The following KSR2 variants were observed in gnomAD, a reference collection of about 807,000 sequenced individuals.
The protein encoded by KSR2 is kinase suppressor of ras 2.
A neutral mutation model predicts 107.8 loss-of-function variants in KSR2; 25 were observed. The ratio of observed to expected loss-of-function variants is 0.23; its 90% CI spans 0.17 to 0.32. The LOEUF (loss-of-function observed/expected upper bound fraction) is 0.32. KSR2 is among the 10% of genes least tolerant of loss of function. The probability of loss-of-function intolerance (pLI) is 1.00; values close to 1 mark genes in which losing one functional copy is unlikely to be tolerated. For synonymous variants in KSR2, 480 were observed against 507.0 expected (o/e 0.95, Z 0.71); for missense variants, 887 against 1,268.9 (o/e 0.70, Z 4.57).
chr12:117,690,728 C>T (rs1885777920), intron 4 of KSR2, among the ~76,000 whole-genome samples: 1 of 152,178 alleles, frequency 6.6e-6, no homozygotes, highest in African/African-American at 2.4e-5. Flanking sequence ...TAACTGCTGC[C>T]AGCACACAGG....
At chr12:117,673,629 G>A (rs765054565) in intron 4 of KSR2, among the ~76,000 whole-genome samples, 11 of 152,128 alleles carry the variant, frequency 7.2e-5, no homozygotes, top group Non-Finnish European at 1.5e-4. Flanking sequence ...AAGCCTTCAT[G>A]GACAAGATGT....
At chr12:117,612,931 C>T (rs947797266) in intron 5 of KSR2, among the ~76,000 whole-genome samples, 2 of 152,172 alleles carry the variant, frequency 1.3e-5, no homozygotes, top group Non-Finnish European at 2.9e-5. Flanking sequence ...AAAGATGTAC[C>T]TTGCTTCCCC....
Position 117,591,191 on chromosome 12 carries a change from C to G in KSR2, c.1172-8832G>C, listed in dbSNP as rs148187628. On this transcript the variant is annotated intron_variant, in intron 5 of 19. Transcript: ENST00000339824. ...AGAATAGTCCATGAGGGGGCAATGT[C>G]TCTACATGCAACTTCTGAAATCTGG... Among the ~76,000 whole-genome samples the G allele has an allele frequency of 1.7e-3, 264 of 152,302 alleles. 2 individuals carry two copies. Among genetic ancestry groups the G allele is most frequent in the African/African-American group, 6.0e-3 (249 of 41,560 alleles).
At chr12:117,559,940 C>T (rs1245191670) in intron 7 of KSR2, among the ~76,000 whole-genome samples, 1 of 152,136 alleles carries the variant, frequency 6.6e-6, no homozygotes, top group Non-Finnish European at 1.5e-5. Flanking sequence ...GGGTGGCCCT[C>T]AGGCTGCTTG....
intron 3 of KSR2, among the ~76,000 whole-genome samples, chr12:117,823,606 A>T (rs1891639744): frequency 6.6e-6 from 1 of 152,184 alleles, no homozygotes; most frequent in East Asian, 1.9e-4. Flanking sequence ...GCTAAGTTAA[A>T]GGTGCAGGTG....
At chr12:117,584,919 T>A (rs1471087912) in intron 5 of KSR2, among the ~76,000 whole-genome samples, 2 of 152,200 alleles carry the variant, frequency 1.3e-5, no homozygotes, top group Non-Finnish European at 2.9e-5. Context: ...CTGCAGATTC[T>A]CAATGAATAA....
intron 3 of KSR2, among the ~76,000 whole-genome samples, chr12:117,793,164 AC>A (rs1890337390): frequency 7.2e-6 from 1 of 139,512 alleles, no homozygotes; most frequent in Non-Finnish European, 1.5e-5. Context: ...ATGCACGCAC[AC>A]CAACATGTAC....
intron 5 of KSR2, among the ~76,000 whole-genome samples, chr12:117,643,705 A>C (rs1371655124): frequency 6.6e-6 from 1 of 152,106 alleles, no homozygotes. Flanking sequence ...TAATTCCATG[A>C]GTGCTTGTTA....
chr12:117,740,520 T>G (rs1240727363), intron 4 of KSR2, among the ~76,000 whole-genome samples: 1 of 118,578 alleles, frequency 8.4e-6, no homozygotes, highest in East Asian at 2.2e-4. Flanking sequence ...ATATAATATA[T>G]AGTACATATA....
intron 4 of KSR2, among the ~76,000 whole-genome samples, chr12:117,675,580 A>G (rs144813398): frequency 6.6e-6 from 1 of 152,318 alleles, no homozygotes; most frequent in Non-Finnish European, 1.5e-5. Flanking sequence ...CCCAGCTTTC[A>G]TCACAGAGAT....
At chr12:117,831,224 C>T (rs1236756911) in intron 3 of KSR2, among the ~76,000 whole-genome samples, 2 of 152,314 alleles carry the variant, frequency 1.3e-5, no homozygotes, top group African/African-American at 4.8e-5. Flanking sequence ...TATTTTTTAG[C>T]TCTTTCTTTT....
intron 1 of KSR2, among the ~76,000 whole-genome samples, chr12:117,894,891 T>G (rs1894462984): frequency 1.3e-5 from 2 of 151,730 alleles, no homozygotes; most frequent in African/African-American, 4.8e-5. Context: ...CCTCTTTTCT[T>G]CACAAATAAC....
At chr12:117,542,059 CT>C (rs1026153478) in intron 9 of KSR2, among the ~76,000 whole-genome samples, 1 of 151,796 alleles carries the variant, frequency 6.6e-6, no homozygotes, top group African/African-American at 2.4e-5. Context: ...CTTTAAAACA[CT>C]TTTTTTGGTA....
Position 117,813,059 on chromosome 12 carries a change from C to CA in KSR2, c.472+42368dup, listed in dbSNP as rs200445429. On this transcript the variant is annotated intron_variant, in intron 3 of 19. Transcript: ENST00000339824. The stretch of plus-strand genomic sequence containing the variant: ...AGACAACAGATTTTGACAAAGGTGT[C>CA]AAAAAAAAACTGGATAGCCACATGC... 1.3e-3 allele frequency among the ~76,000 whole-genome samples: 192 copies of CA among 149,904 alleles called. 1 individual carries two copies. The East Asian group carries it at 0.015, about 12-fold the overall frequency.
intron 5 of KSR2, among the ~76,000 whole-genome samples, chr12:117,649,962 G>T (rs1002345669): frequency 6.6e-6 from 1 of 152,166 alleles, no homozygotes; most frequent in South Asian, 2.1e-4. Context: ...CATTATTCAT[G>T]CTTGCTCTAG....
intron 3 of KSR2, among the ~76,000 whole-genome samples, chr12:117,795,651 C>T (rs1890596600): frequency 6.6e-6 from 1 of 152,166 alleles, no homozygotes; most frequent in Non-Finnish European, 1.5e-5. Flanking sequence ...TTTATTGAGA[C>T]AGGGTCTTGC....
intron 5 of KSR2, among the ~76,000 whole-genome samples, chr12:117,597,533 C>T (rs1460918494): frequency 6.6e-6 from 1 of 152,124 alleles, no homozygotes; most frequent in Non-Finnish European, 1.5e-5. Context: ...AGCGCTGCCT[C>T]TGGAAGATGG....
intron 5 of KSR2, among the ~76,000 whole-genome samples, chr12:117,583,033 T>C (rs1032277065): frequency 1.3e-5 from 2 of 152,244 alleles, no homozygotes; most frequent in South Asian, 2.1e-4. Flanking sequence ...AATTTCTGTA[T>C]ATTATAGATA....
In KSR2 at chr12:117,733,980, T is replaced by C. The variant is rs368105948; in HGVS notation, c.986+27031A>G. The stretch of plus-strand genomic sequence containing the variant: ...GAGTTCAACTAACTCAGGCTATTGA[T>C]GAATGTCAAGAGACTACACAGGTTG... On this transcript the variant is annotated intron_variant, in intron 4 of 19. Coordinates refer to ENST00000339824, the MANE Select transcript of KSR2 (RefSeq NM_173598.6). 2.0e-5 allele frequency among the ~76,000 whole-genome samples: 3 copies of C among 151,940 alleles called. No homozygotes were observed. The East Asian group carries it at 5.8e-4, about 29-fold the overall frequency.
Sources: gnomAD v4.1 joint callset for allele counts (sites outside exome capture counted in the v4.1 genomes callset) on GRCh38, gnomAD v4.1.1 for gene constraint, MANE v1.5 for transcripts, NCBI Gene and HGNC (gene_info 2026-07-23, HGNC 2026-07-21) for gene names.